The following RPS6KC1 variants were observed in gnomAD, a reference collection of about 807,000 sequenced individuals.
RPS6KC1 encodes the protein ribosomal protein S6 kinase C1, also known as inactive ribosomal protein S6 kinase delta-1.
In RPS6KC1, 54 loss-of-function variants were observed where a neutral mutation model predicts 103.8. The observed-to-expected ratio is 0.52, with a 90% CI of 0.42 to 0.65. The LOEUF (loss-of-function observed/expected upper bound fraction) is 0.65. RPS6KC1 is among the 30% of genes least tolerant of loss of function. The pLI is 0.00. For synonymous variants in RPS6KC1, 439 were observed against 438.7 expected (o/e 1.00, Z -0.01); for missense variants, 1,151 against 1,253.8 (o/e 0.92, Z 1.24).
chr1:213,212,704 A>T, intron 8 of RPS6KC1, among the ~76,000 whole-genome samples: 1 of 152,380 alleles, frequency 6.6e-6, no homozygotes, highest in South Asian at 2.1e-4. Context: ...TCCAGTAGCA[A>T]TGAATGAAAG....
chr1:213,463,388 C>T, the RPS6KC1 span, among the ~76,000 whole-genome samples: 3 of 152,114 alleles, frequency 2.0e-5, no homozygotes, highest in East Asian at 3.8e-4. Context: ...TTCTTTTTGC[C>T]TTTGTTTTTT....
the RPS6KC1 span, among the ~76,000 whole-genome samples, chr1:213,576,387 T>TA: frequency 2.7e-5 from 4 of 150,678 alleles, no homozygotes; most frequent in Non-Finnish European, 4.4e-5. Flanking sequence ...TTTTTTTTTT[T>TA]AACAAATTGA....
chr1:213,587,609 A>G, the RPS6KC1 span, among the ~76,000 whole-genome samples: 2 of 152,374 alleles, frequency 1.3e-5, no homozygotes, highest in African/African-American at 4.8e-5. Context: ...AATGGATTTA[A>G]GGTAAAGCAG....
the RPS6KC1 span, among the ~76,000 whole-genome samples, chr1:213,675,869 T>G: frequency 1.0e-5 from 1 of 98,424 alleles, no homozygotes; most frequent in Non-Finnish European, 2.0e-5. Flanking sequence ...AGAGCAAGAC[T>G]CTGTCTGAAA....
At chr1:213,674,595 T>A in the RPS6KC1 span, among the ~76,000 whole-genome samples, 7 of 152,242 alleles carry the variant, frequency 4.6e-5, no homozygotes, top group East Asian at 1.2e-3. Flanking sequence ...AATAGTGCTG[T>A]GATGAACATA....
At chr1:213,789,854 A>G in the RPS6KC1 span, among the ~76,000 whole-genome samples, 3 of 152,194 alleles carry the variant, frequency 2.0e-5, no homozygotes, top group Admixed American at 6.5e-5. Context: ...ACTTTTGAAT[A>G]AGTCAAATGC....
At chr1:213,463,023 C>T in the RPS6KC1 span, among the ~76,000 whole-genome samples, 1 of 152,236 alleles carries the variant, frequency 6.6e-6, no homozygotes, top group African/African-American at 2.4e-5. Context: ...AATTAAACTT[C>T]TTACTTCATT....
chr1:213,631,378 CA>C, the RPS6KC1 span, among the ~76,000 whole-genome samples: 245 of 137,008 alleles, frequency 1.8e-3, no homozygotes, highest in East Asian at 5.6e-3. Context: ...CTTTCTATGC[CA>C]AAAAAAAAAA....
chr1:213,070,650 ACT>A (rs1325503862), intron 1 of RPS6KC1, among the ~76,000 whole-genome samples: 3 of 152,234 alleles, frequency 2.0e-5, no homozygotes, highest in African/African-American at 4.8e-5. Context: ...TTATTTGAAC[ACT>A]GTTTGAACAG....
chr1:213,628,467 G>C, the RPS6KC1 span, among the ~76,000 whole-genome samples: 6 of 152,050 alleles, frequency 3.9e-5, no homozygotes, highest in Admixed American at 2.6e-4. Context: ...GCTAGCTTTT[G>C]TCTTTTTTTT....
chr1:213,171,612 C>A (rs570079264), intron 7 of RPS6KC1, among the ~76,000 whole-genome samples: 60 of 152,200 alleles, frequency 3.9e-4, no homozygotes, highest in Non-Finnish European at 7.8e-4. Context: ...GAATGTGTGC[C>A]TTTCCTGAAT....
At chr1:213,434,271 G>A in the RPS6KC1 span, among the ~76,000 whole-genome samples, 2 of 151,906 alleles carry the variant, frequency 1.3e-5, no homozygotes, top group African/African-American at 4.8e-5. Context: ...GTCAGCTTTT[G>A]TATTTCTGAA....
At chr1:213,810,715 C>G in the RPS6KC1 span, among the ~76,000 whole-genome samples, 1 of 152,146 alleles carries the variant, frequency 6.6e-6, no homozygotes, top group East Asian at 1.9e-4. Context: ...CCACTGCTAC[C>G]AACACTTTCC....
chr1:213,655,068 A>T, the RPS6KC1 span, among the ~76,000 whole-genome samples: 10,519 of 152,186 alleles, frequency 0.069, 457 homozygotes, highest in East Asian at 0.16. Context: ...TTTGAGAAAA[A>T]GTCTCATTCT....
chr1:213,678,393 T>A, the RPS6KC1 span, among the ~76,000 whole-genome samples: 16 of 152,328 alleles, frequency 1.1e-4, no homozygotes, highest in African/African-American at 3.4e-4. Context: ...CAGTAGGCAC[T>A]CCATAAATGC....
At chr1:213,711,140 T>C in the RPS6KC1 span, among the ~76,000 whole-genome samples, 2 of 152,336 alleles carry the variant, frequency 1.3e-5, no homozygotes, top group South Asian at 4.1e-4. Context: ...TCCCTGTCAG[T>C]TTCAGATACA....
At chr1:213,761,255 G>A in the RPS6KC1 span, among the ~76,000 whole-genome samples, 2 of 152,234 alleles carry the variant, frequency 1.3e-5, no homozygotes, top group South Asian at 2.1e-4. Context: ...GATGGGCAGA[G>A]GAATGACAAT....
chr1:213,606,279 G>A, the RPS6KC1 span, among the ~76,000 whole-genome samples: 1 of 152,156 alleles, frequency 6.6e-6, no homozygotes. Context: ...TGACCTTCTG[G>A]GGCTGGCAAA....
chr1:213,740,643 C>CTCTCAGATATATGTACACAT, the RPS6KC1 span, among the ~76,000 whole-genome samples: 2 of 145,332 alleles, frequency 1.4e-5, no homozygotes, highest in South Asian at 2.2e-4. Flanking sequence ...TATACACATA[C>CTCTCAGATATATGTACACAT]ATATATCTCT....
Sources: allele counts gnomAD v4.1 joint callset (sites outside exome capture counted in the v4.1 genomes callset), GRCh38; gene constraint gnomAD v4.1.1; transcripts MANE v1.5; gene names NCBI Gene and HGNC (gene_info 2026-07-23, HGNC 2026-07-21).